The following C16orf87 variants were observed in gnomAD, a reference collection of about 807,000 sequenced individuals.
The protein encoded by C16orf87 is HDAC and MIER1 interacting protein 1.
Under a neutral mutation model 21.0 loss-of-function variants are expected in C16orf87, and 13 were observed. The observed-to-expected ratio is 0.62, with a 90% CI of 0.40 to 0.98. The LOEUF is 0.98. C16orf87 is among the 50% of genes least tolerant of loss of function. C16orf87 has a pLI of 0.00. For missense variants in C16orf87, 113 were observed against 180.4 expected, an observed-to-expected ratio of 0.63 and a Z score of 2.14; for synonymous variants, 49 against 60.2, an observed-to-expected ratio of 0.81 and a Z score of 0.86.
At chr16:46,813,241 G>T (rs1026430962) in intron 2 of C16orf87, among the ~76,000 whole-genome samples, 2 of 151,930 alleles carry the variant, frequency 1.3e-5, no homozygotes, top group Admixed American at 1.3e-4. Context: ...ATAACTCTTG[G>T]TTCTCCCTCT....
intron 1 of C16orf87, among the ~76,000 whole-genome samples, chr16:46,827,605 G>A (rs552684390): frequency 2.7e-5 from 4 of 149,890 alleles, no homozygotes; most frequent in South Asian, 2.1e-4. Context: ...TTTTTGAGAC[G>A]AAGTCTCACT....
At chr16:46,813,469 AT>A (rs1968157132) in intron 2 of C16orf87, among the ~76,000 whole-genome samples, 1 of 138,296 alleles carries the variant, frequency 7.2e-6, no homozygotes, top group African/African-American at 2.8e-5. Context: ...GTACCAGCCA[AT>A]ATTATCTTAA....
At chr16:46,810,504 C>A (rs761114333) in intron 2 of C16orf87, among the ~76,000 whole-genome samples, 1 of 151,920 alleles carries the variant, frequency 6.6e-6, no homozygotes, top group Non-Finnish European at 1.5e-5. Flanking sequence ...AAAGATGATA[C>A]CTTGCTTTAA....
At chr16:46,830,997 C>T in intron 1 of C16orf87, 87 bp downstream of exon 1, 1 of 1,104,468 alleles carries the variant, frequency 9.1e-7, no homozygotes, top group African/African-American at 1.6e-5. Context: ...ACCGCTCGGC[C>T]TCCGGGAGCC....
chr16:46,823,056 C>T (rs920725125), intron 2 of C16orf87, among the ~76,000 whole-genome samples: 1 of 152,198 alleles, frequency 6.6e-6, no homozygotes, highest in Non-Finnish European at 1.5e-5. Context: ...TTGCTATTTC[C>T]ATCTGTCAAG....
At chr16:46,830,298 G>GAA (rs1567320148) in intron 1 of C16orf87, among the ~76,000 whole-genome samples, 2 of 147,634 alleles carry the variant, frequency 1.4e-5, no homozygotes, top group Non-Finnish European at 3.0e-5. Flanking sequence ...GAGAGAGAGA[G>GAA]AGAGAGAGAG....
At chr16:46,817,169 T>C (rs1968273933) in intron 2 of C16orf87, among the ~76,000 whole-genome samples, 1 of 151,872 alleles carries the variant, frequency 6.6e-6, no homozygotes, top group African/African-American at 2.4e-5. Flanking sequence ...CCACCTTGAG[T>C]TGAAGACCTG....
At chr16:46,809,138 A>C (rs989425137) in intron 3 of C16orf87, among the ~76,000 whole-genome samples, 3 of 151,932 alleles carry the variant, frequency 2.0e-5, no homozygotes, top group Non-Finnish European at 2.9e-5. Context: ...CTCTACAAAA[A>C]ATTAGCTAGG....
chr16:46,813,725 C>T (rs1423402431), intron 2 of C16orf87, among the ~76,000 whole-genome samples: 1 of 152,146 alleles, frequency 6.6e-6, no homozygotes, highest in Non-Finnish European at 1.5e-5. Context: ...ATCCTTCTGC[C>T]TAGAGCTCTC....
chr16:46,809,078 G>C (rs1968007301), intron 3 of C16orf87, among the ~76,000 whole-genome samples: 1 of 149,694 alleles, frequency 6.7e-6, no homozygotes, highest in African/African-American at 2.5e-5. Flanking sequence ...AGGGCAGATT[G>C]CTTGAGCCCA....
intron 2 of C16orf87, among the ~76,000 whole-genome samples, chr16:46,818,670 A>G (rs977217965): frequency 3.9e-5 from 6 of 151,902 alleles, no homozygotes; most frequent in Non-Finnish European, 7.4e-5. Flanking sequence ...TTTTTCTTCT[A>G]TAGTTTTTAT....
In C16orf87 at chr16:46,824,381, GT is replaced by G; in HGVS notation, c.163+4del. On this transcript the variant is annotated splice_donor_region_variant and intron_variant, in intron 2 of 3. Transcript: ENST00000285697. Reference sequence around the variant, plus strand: ...AAGCTAAAAATGTATTAAACTCACAGTTACCTGTAGAAGGTGGTGATTTCTC... The same window carrying G: ...AAGCTAAAAATGTATTAAACTCACAGTACCTGTAGAAGGTGGTGATTTCTC... 1 of 1,287,512 alleles carries G rather than the reference GT, an allele frequency of 7.8e-7. No individual in the cohort carries two copies. The highest frequency in any genetic ancestry group is 1.1e-6 in the Non-Finnish European group (1 of 903,124). The allele number at this position is 1,287,512 out of a possible 1,614,324, so 79.8% of individuals were successfully genotyped here.
rs1468295757 is a variant in C16orf87 at position 46,797,069 on chromosome 16, T to C, written c.*5883A>G. On this transcript the variant is annotated 3_prime_UTR_variant, in exon 4 of 4. Transcript: ENST00000285697. ...TGAAAGAACTGTCAACACAGTAGTT[T>C]ATATCCAGCAAAAATATCTTTCATG... 6.6e-6 allele frequency: 1 copy of C among 152,228 alleles called. No homozygotes were observed. The highest frequency in any genetic ancestry group is 1.5e-5 in the Non-Finnish European group (1 of 68,046). The allele number at this position is 152,228 out of a possible 1,614,324, so 9.4% of individuals were successfully genotyped here.
At chr16:46,813,025 C>G (rs747663394) in intron 2 of C16orf87, among the ~76,000 whole-genome samples, 1 of 152,114 alleles carries the variant, frequency 6.6e-6, no homozygotes, top group African/African-American at 2.4e-5. Context: ...CCCAATCTAA[C>G]GTCAAGGCCC....
Position 46,809,292 on chromosome 16 carries a change from A to T in C16orf87, c.346+311T>A, listed in dbSNP as rs1374809296. Among the ~76,000 whole-genome samples the T allele has an allele frequency of 2.0e-5, 3 of 152,048 alleles. No homozygotes were observed. In the East Asian group the frequency reaches 5.8e-4, roughly 29 times the overall value. On this transcript the variant is annotated intron_variant, in intron 3 of 3. Coordinates refer to ENST00000285697, the MANE Select transcript of C16orf87 (RefSeq NM_001001436.4). ...ACAGAACAACACGCTGTCTCAAAAA[A>T]AAAAAAAAGTACAATCATTTTAACA... is the stretch of plus-strand genomic sequence containing the variant.
chr16:46,821,561 T>C (rs1411803540), intron 2 of C16orf87, among the ~76,000 whole-genome samples: 11 of 152,200 alleles, frequency 7.2e-5, no homozygotes, highest in Non-Finnish European at 2.9e-5. Flanking sequence ...CAAGGAAATC[T>C]CAGGAAACTC....
chr16:46,814,435 A>G (rs1187519450), intron 2 of C16orf87, among the ~76,000 whole-genome samples: 4 of 152,204 alleles, frequency 2.6e-5, no homozygotes, highest in Non-Finnish European at 5.9e-5. Context: ...CCTCCATAAT[A>G]TAGGAAAAAG....
chr16:46,815,226 C>T (rs1418435015), intron 2 of C16orf87, among the ~76,000 whole-genome samples: 1 of 152,080 alleles, frequency 6.6e-6, no homozygotes, highest in African/African-American at 2.4e-5. Context: ...TTACTCCATA[C>T]ACAAAAATTA....
At chr16:46,814,140 A>C (rs756678092) in intron 2 of C16orf87, among the ~76,000 whole-genome samples, 3 of 152,240 alleles carry the variant, frequency 2.0e-5, no homozygotes, top group Non-Finnish European at 2.9e-5. Context: ...GAATTTCAGC[A>C]AACTGGCAAC....
Sources: gnomAD v4.1 joint callset for allele counts (sites outside exome capture counted in the v4.1 genomes callset) on GRCh38, gnomAD v4.1.1 for gene constraint, MANE v1.5 for transcripts, NCBI Gene and HGNC (gene_info 2026-07-23, HGNC 2026-07-21) for gene names.